RBFOX1: variants seen among roughly 807,000 people sequenced by gnomAD.
RBFOX1 encodes the protein RNA binding protein fox-1 homolog 1.
RBFOX1 carries 8 observed loss-of-function variants against 57.7 expected under a neutral mutation model. The observed-to-expected ratio is 0.14, with a 90% CI of 0.08 to 0.25. RBFOX1 has a LOEUF of 0.25. Ranked by LOEUF, RBFOX1 falls within the 10% of genes least tolerant of loss-of-function variation. RBFOX1 has a pLI of 1.00. For missense variants in RBFOX1, 611 were observed against 548.5 expected, an observed-to-expected ratio of 1.11 and a Z score of -1.14; for synonymous variants, 326 against 222.4, an observed-to-expected ratio of 1.47 and a Z score of -4.15.
At chr16:6,546,654 C>T (rs1274705227) in intron 2 of RBFOX1, among the ~76,000 whole-genome samples, 1 of 152,204 alleles carries the variant, frequency 6.6e-6, no homozygotes, top group Non-Finnish European at 1.5e-5. Context: ...ACCTTACTGA[C>T]CTCATCTTAA....
intron 1 of RBFOX1, among the ~76,000 whole-genome samples, chr16:5,384,983 A>C (rs1358014983): frequency 2.0e-5 from 3 of 152,226 alleles, no homozygotes; most frequent in Non-Finnish European, 4.4e-5. Context: ...CGCTTACTGC[A>C]ATCTTTCCCC....
At position 5,974,149 on chromosome 16, in the gene RBFOX1, C is replaced by T. The variant is rs191317903; in HGVS notation, c.351+106814C>T. On this transcript the variant is annotated intron_variant, in intron 4 of 19. Coordinates refer to the RBFOX1 transcript ENST00000641259. Reference sequence around the variant, plus strand: ...TCTTAACCATTGTTCTCTATATGGCCGTTGTTCTACCTCGGATGCACAGCA... The same window carrying T: ...TCTTAACCATTGTTCTCTATATGGCTGTTGTTCTACCTCGGATGCACAGCA... 2.1e-3 allele frequency among the ~76,000 whole-genome samples: 324 copies of T among 152,244 alleles called. 2 individuals carry two copies. The highest frequency in any genetic ancestry group is 3.3e-3 in the Admixed American group (50 of 15,292).
At chr16:5,412,062 A>G (rs2067036130) in intron 1 of RBFOX1, among the ~76,000 whole-genome samples, 1 of 152,258 alleles carries the variant, frequency 6.6e-6, no homozygotes, top group East Asian at 1.9e-4. Context: ...CAAGATGCAG[A>G]ATGTCTTGCC....
chr16:7,548,479 T>C (rs576251882), intron 5 of RBFOX1, among the ~76,000 whole-genome samples: 2 of 152,154 alleles, frequency 1.3e-5, no homozygotes, highest in South Asian at 4.1e-4. Context: ...TCTTTAAACA[T>C]TTACATTTGA....
At chr16:6,804,007 T>TA (rs1268634367) in intron 3 of RBFOX1, among the ~76,000 whole-genome samples, 1 of 151,180 alleles carries the variant, frequency 6.6e-6, no homozygotes, top group East Asian at 1.9e-4. Context: ...ATAAAACTCA[T>TA]ACAATTTTTT....
At chr16:5,777,466 G>A (rs1030190722) in intron 3 of RBFOX1, among the ~76,000 whole-genome samples, 9 of 152,160 alleles carry the variant, frequency 5.9e-5, no homozygotes, top group African/African-American at 2.2e-4. Flanking sequence ...AGTAGGACCG[G>A]GACATCTTTG....
chr16:5,986,473 C>T (rs1423886637), intron 4 of RBFOX1, among the ~76,000 whole-genome samples: 5 of 152,206 alleles, frequency 3.3e-5, no homozygotes, highest in South Asian at 4.1e-4. Flanking sequence ...AACTATGGTA[C>T]AATATCTTAA....
chr16:7,410,678 A>AAAAAC (rs201973114), intron 4 of RBFOX1, among the ~76,000 whole-genome samples: 1 of 125,732 alleles, frequency 8.0e-6, no homozygotes, highest in East Asian at 3.3e-4. Flanking sequence ...ACTCTATCCC[A>AAAAAC]AAAACAAAAC....
intron 2 of RBFOX1, among the ~76,000 whole-genome samples, chr16:5,554,833 C>T (rs1029818390): frequency 2.0e-5 from 3 of 152,222 alleles, no homozygotes; most frequent in Admixed American, 6.5e-5. Context: ...TTCTTACTCA[C>T]ATTCTTCCTG....
intron 2 of RBFOX1, among the ~76,000 whole-genome samples, chr16:6,505,644 T>A (rs1450655892): frequency 6.6e-6 from 1 of 152,184 alleles, no homozygotes; most frequent in East Asian, 1.9e-4. Context: ...TCAAGAACTC[T>A]ACTCATTTAA....
intron 4 of RBFOX1, among the ~76,000 whole-genome samples, chr16:7,115,830 C>T (rs1458923329): frequency 1.3e-5 from 2 of 152,190 alleles, no homozygotes; most frequent in Non-Finnish European, 2.9e-5. Flanking sequence ...CACTGGGGAC[C>T]ATGTTACAGG....
intron 4 of RBFOX1, among the ~76,000 whole-genome samples, chr16:7,272,932 C>G (rs1274726584): frequency 6.8e-6 from 1 of 146,088 alleles, no homozygotes; most frequent in Admixed American, 6.9e-5. Flanking sequence ...TCCTTCCTCC[C>G]TCACTTCCTT....
chr16:6,003,751 G>A (rs2060644020), intron 4 of RBFOX1, among the ~76,000 whole-genome samples: 1 of 152,178 alleles, frequency 6.6e-6, no homozygotes, highest in South Asian at 2.1e-4. Context: ...CTGCAAAACA[G>A]CTAAGCCAGG....
At chr16:6,940,851 CTGTGTGTGTG>C (rs1009221597) in intron 3 of RBFOX1, among the ~76,000 whole-genome samples, 12 of 126,980 alleles carry the variant, frequency 9.5e-5, no homozygotes, top group South Asian at 2.6e-4. Context: ...TCCGGCTAGT[CTGTGTGTGTG>C]TGTGTGTGTG....
chr16:6,820,445 C>T (rs1218614012), intron 3 of RBFOX1, among the ~76,000 whole-genome samples: 1 of 152,018 alleles, frequency 6.6e-6, no homozygotes, highest in African/African-American at 2.4e-5. Context: ...TCAGTTGAGG[C>T]CAGGAGTTCG....
intron 4 of RBFOX1, among the ~76,000 whole-genome samples, chr16:7,078,326 T>C (rs1401753727): frequency 6.6e-6 from 1 of 152,222 alleles, no homozygotes; most frequent in Non-Finnish European, 1.5e-5. Context: ...AATGGCTTTC[T>C]CTTGTTTATA....
At chr16:6,698,606 A>AT (rs1169958252) in intron 3 of RBFOX1, among the ~76,000 whole-genome samples, 2 of 152,166 alleles carry the variant, frequency 1.3e-5, no homozygotes, top group Non-Finnish European at 2.9e-5. Context: ...AGGGTCTAAC[A>AT]TGCCACTTCT....
chr16:7,335,835 C>T (rs2096776638), intron 4 of RBFOX1, among the ~76,000 whole-genome samples: 1 of 152,150 alleles, frequency 6.6e-6, no homozygotes, highest in South Asian at 2.1e-4. Flanking sequence ...TATTTTATGT[C>T]TACACTTGTT....
At chr16:7,635,061 GA>G (rs1835374730) in intron 11 of RBFOX1, among the ~76,000 whole-genome samples, 2 of 152,208 alleles carry the variant, frequency 1.3e-5, no homozygotes, top group African/African-American at 4.8e-5. Context: ...TCCTCTTGTT[GA>G]GGGGAAAGGT....
Sources: allele counts gnomAD v4.1 joint callset (sites outside exome capture counted in the v4.1 genomes callset), GRCh38; gene constraint gnomAD v4.1.1; transcripts MANE v1.5; gene names NCBI Gene and HGNC (gene_info 2026-07-23, HGNC 2026-07-21).